The following ZSWIM2 variants were observed in gnomAD, a reference collection of about 807,000 sequenced individuals.
ZSWIM2 encodes zinc finger SWIM-type containing 2.
A neutral mutation model predicts 48.4 loss-of-function variants in ZSWIM2; 38 were observed. That is an observed-to-expected ratio of 0.79 (90% confidence interval 0.61 to 1.03). The LOEUF is 1.03. ZSWIM2 is among the 50% of genes least tolerant of loss of function. ZSWIM2 has a pLI of 0.00. For missense variants in ZSWIM2, 776 were observed against 730.2 expected (o/e 1.06, Z -0.72); for synonymous variants, 240 against 251.3 (o/e 0.96, Z 0.42).
At chr2:186,843,243 A>G (rs949596389) in intron 3 of ZSWIM2, among the ~76,000 whole-genome samples, 1 of 151,654 alleles carries the variant, frequency 6.6e-6, no homozygotes, top group African/African-American at 2.4e-5. Context: ...GAGAGGGTCA[A>G]CATTTAACTT....
At chr2:186,834,119 G>C in intron 5 of ZSWIM2, 89 bp from the exon 6 acceptor site, 1 of 903,546 alleles carries the variant, frequency 1.1e-6, no homozygotes, top group South Asian at 1.5e-5. Context: ...AAAACTTCCT[G>C]GGAACAATCC....
At chr2:186,845,832 C>A (rs1414411622) in intron 2 of ZSWIM2, among the ~76,000 whole-genome samples, 1 of 151,434 alleles carries the variant, frequency 6.6e-6, no homozygotes, top group East Asian at 1.9e-4. Flanking sequence ...CAATAGAGTT[C>A]TACTTCTATC....
At position 186,848,982 on chromosome 2, in the gene ZSWIM2, T is replaced by G; in HGVS notation, c.149A>C (p.Glu50Ala). 1 of 1,614,096 alleles carries G rather than the reference T, an allele frequency of 6.2e-7. No homozygotes were observed. The highest frequency in any genetic ancestry group is 8.5e-7 in the Non-Finnish European group (1 of 1,180,006). Reference sequence around the variant, plus strand: ...GGTAGTTACTCGGAAATCCATGTATTCCGGCTCCTCCTCCCTCAGCAGGAA... The same window carrying G: ...GGTAGTTACTCGGAAATCCATGTATGCCGGCTCCTCCTCCCTCAGCAGGAA... ...TGFLLREEEP[E>A]YMDFRVFLGN... is the part of the protein sequence containing the mutation. Residue 50 changes from glutamate to alanine, a missense_variant, in exon 1 of 9, where the codon GAA (glutamate) becomes GCA (alanine). Physicochemically the swap from Glu to Ala is moderately radical, Grantham distance 107. Transcript: ENST00000295131.
chr2:186,843,717 T>C (rs1168749060), intron 3 of ZSWIM2, among the ~76,000 whole-genome samples: 3 of 151,496 alleles, frequency 2.0e-5, no homozygotes, highest in Non-Finnish European at 4.4e-5. Flanking sequence ...ACCTCCAAAT[T>C]GAGCTTCCCA....
intron 4 of ZSWIM2, 57 bp downstream of exon 4, chr2:186,838,902 G>T (rs1320095923): frequency 5.3e-6 from 8 of 1,504,178 alleles, no homozygotes; most frequent in Non-Finnish European, 6.3e-6. Flanking sequence ...TAATAAATCA[G>T]AAATATGTTT....
intron 5 of ZSWIM2, among the ~76,000 whole-genome samples, chr2:186,834,548 T>C (rs943298709): frequency 8.5e-5 from 13 of 152,192 alleles, no homozygotes; most frequent in African/African-American, 2.9e-4. Context: ...GTGTGCTCCT[T>C]ATGAGAATCT....
chr2:186,837,612 G>A (rs1691817515), intron 4 of ZSWIM2, 58 bp from the exon 5 acceptor site: 38 of 487,834 alleles, frequency 7.8e-5, no homozygotes, highest in Non-Finnish European at 1.1e-4. Context: ...CATATCCATT[G>A]TATATATATA....
At chr2:186,837,262 A>G (rs1279128462) in intron 5 of ZSWIM2, 44 bp downstream of exon 5, 1 of 1,598,966 alleles carries the variant, frequency 6.3e-7, no homozygotes, top group African/African-American at 1.4e-5. Context: ...TGATGTAAAA[A>G]AATAAAAAAG....
At chr2:186,829,906 AGT>A in intron 7 of ZSWIM2, 26 bp from the exon 8 acceptor site, 1 of 1,612,116 alleles carries the variant, frequency 6.2e-7, no homozygotes, top group Non-Finnish European at 8.5e-7. Flanking sequence ...CAGAGACATG[AGT>A]GTTTACATGT....
Position 186,828,124 on chromosome 2 carries a change from G to A in ZSWIM2, c.1762C>T (p.Leu588Phe), listed in dbSNP as rs578031998. ...TTACTATACCTTTTAGACAAACTAAGTTTAGCTGTGCTCCAATTGACAATA... is the reference window on the plus strand; with the variant it reads ...TTACTATACCTTTTAGACAAACTAAATTTAGCTGTGCTCCAATTGACAATA... ...NLIVNWSTAKLSLSKRYSNCM... is the reference protein window; with the variant it reads ...NLIVNWSTAKFSLSKRYSNCM... Residue 588 changes from leucine (L) to phenylalanine (F), a missense_variant, in exon 9 of 9, where the codon CTT becomes TTT. Transcript: ENST00000295131. 8.7e-6 allele frequency: 14 copies of A among 1,613,480 alleles called. No individual in the cohort carries two copies. The South Asian group carries it at 1.5e-4, about 18-fold the overall frequency.
At chr2:186,839,548 A>C (rs540336499) in intron 3 of ZSWIM2, among the ~76,000 whole-genome samples, 1 of 151,848 alleles carries the variant, frequency 6.6e-6, no homozygotes, top group South Asian at 2.1e-4. Flanking sequence ...ACATGAATAC[A>C]TGAGGAGGAA....
At chr2:186,832,949 A>G (rs1452804779) in intron 7 of ZSWIM2, among the ~76,000 whole-genome samples, 171 bp downstream of exon 7, 1 of 152,170 alleles carries the variant, frequency 6.6e-6, no homozygotes, top group Non-Finnish European at 1.5e-5. Context: ...GGATTCAAGC[A>G]GTCTTACTCT....
In ZSWIM2 at chr2:186,833,951, G is replaced by A. The variant is rs1263790725; in HGVS notation, c.823C>T (p.Arg275Cys). Residue 275 changes from arginine (R) to cysteine (C), a missense_variant, in exon 6 of 9, where the codon CGT becomes TGT. Physicochemically the swap from Arg to Cys is radical, Grantham distance 180. Transcript: ENST00000295131. ...CCHLSHTFTF[R>C]EKRNQKWRSL... ...ATTCAAGATGGATACTGTACCTCAC[G>A]AAATGTAAACGTGTGGGAAAGATGG... 6 of 1,612,122 alleles carry A rather than the reference G, an allele frequency of 3.7e-6. No individual in the cohort carries two copies. Among genetic ancestry groups the A allele is most frequent in the Non-Finnish European group, 3.4e-6 (4 of 1,178,820 alleles).
intron 2 of ZSWIM2, among the ~76,000 whole-genome samples, chr2:186,846,760 C>T (rs956015243): frequency 6.9e-6 from 1 of 145,768 alleles, no homozygotes; most frequent in African/African-American, 2.6e-5. Flanking sequence ...TAAAAATATA[C>T]CACATTAATA....
intron 1 of ZSWIM2, 109 bp downstream of exon 1, chr2:186,848,857 C>T (rs759298687): frequency 2.1e-6 from 3 of 1,426,266 alleles, no homozygotes; most frequent in Non-Finnish European, 2.9e-6. Context: ...GGTGAGGCAG[C>T]AAGTATCCGC....
chr2:186,843,195 A>C (rs564739832), intron 3 of ZSWIM2, among the ~76,000 whole-genome samples: 1 of 151,744 alleles, frequency 6.6e-6, no homozygotes, highest in Admixed American at 6.6e-5. Flanking sequence ...GCTTGTGAAA[A>C]TGATATGGAA....
intron 3 of ZSWIM2, among the ~76,000 whole-genome samples, chr2:186,839,990 T>C (rs1183556559): frequency 6.6e-6 from 1 of 151,568 alleles, no homozygotes; most frequent in Non-Finnish European, 1.5e-5. Context: ...CTTTTTAATA[T>C]ATATGAATTA....
intron 3 of ZSWIM2, among the ~76,000 whole-genome samples, chr2:186,839,545 T>C (rs1691865426): frequency 6.6e-6 from 1 of 151,644 alleles, no homozygotes; most frequent in Non-Finnish European, 1.5e-5. Flanking sequence ...GGGACATGAA[T>C]ACATGAGGAG....
chr2:186,843,008 A>G (rs1398695539), intron 3 of ZSWIM2, among the ~76,000 whole-genome samples: 1 of 151,610 alleles, frequency 6.6e-6, no homozygotes, highest in African/African-American at 2.4e-5. Flanking sequence ...TAAAAAAAGT[A>G]AAATAGTTCA....
Sources: allele counts gnomAD v4.1 joint callset (sites outside exome capture counted in the v4.1 genomes callset), GRCh38; gene constraint gnomAD v4.1.1; transcripts MANE v1.5; gene names NCBI Gene and HGNC (gene_info 2026-07-23, HGNC 2026-07-21).